The following CNTN5 variants were observed in gnomAD, a reference collection of about 807,000 sequenced individuals.
CNTN5 encodes the protein contactin 5, also known as contactin-5.
A neutral mutation model predicts 129.1 loss-of-function variants in CNTN5; 77 were observed. That is an observed-to-expected ratio of 0.60 (90% CI 0.50 to 0.72). The LOEUF (loss-of-function observed/expected upper bound fraction) is 0.72. CNTN5 is among the 30% of genes least tolerant of loss of function. The probability of loss-of-function intolerance (pLI) is 0.00; values close to 1 mark genes in which losing one functional copy is unlikely to be tolerated. For missense variants in CNTN5, 1,478 were observed against 1,328.8 expected, an observed-to-expected ratio of 1.11 and a Z score of -1.75; for synonymous variants, 509 against 465.6, an observed-to-expected ratio of 1.09 and a Z score of -1.20.
intron 1 of CNTN5, among the ~76,000 whole-genome samples, chr11:99,101,142 T>C (rs1045619777): frequency 2.0e-5 from 3 of 152,126 alleles, no homozygotes; most frequent in African/African-American, 7.2e-5. Flanking sequence ...GAGTTTCCCC[T>C]TATAAAACTA....
intron 20 of CNTN5, among the ~76,000 whole-genome samples, chr11:100,302,280 T>C (rs1427240192): frequency 6.6e-6 from 1 of 151,610 alleles, no homozygotes; most frequent in East Asian, 1.9e-4. Flanking sequence ...TATTATACTC[T>C]TGCCAGTGCA....
At chr11:99,937,988 A>G (rs7122976) in intron 7 of CNTN5, among the ~76,000 whole-genome samples, 8 of 152,082 alleles carry the variant, frequency 5.3e-5, no homozygotes, top group African/African-American at 1.2e-4. Flanking sequence ...CTCTTATTAA[A>G]TACATATCCT....
intron 3 of CNTN5, among the ~76,000 whole-genome samples, chr11:99,699,648 CT>C (rs1305983417): frequency 6.6e-6 from 1 of 151,462 alleles, no homozygotes; most frequent in Non-Finnish European, 1.5e-5. Context: ...AAATTACTCA[CT>C]TTCTAAGTGT....
chr11:99,022,831 T>C (rs747051064), intron 1 of CNTN5, among the ~76,000 whole-genome samples: 2 of 152,140 alleles, frequency 1.3e-5, no homozygotes. Flanking sequence ...AGTGCCAGTG[T>C]TTTTGCTTAG....
intron 2 of CNTN5, among the ~76,000 whole-genome samples, chr11:99,514,999 T>C (rs12789426): frequency 0.016 from 2,378 of 152,118 alleles, 19 homozygotes; most frequent in Non-Finnish European, 0.022. Flanking sequence ...TGTGCAATTG[T>C]TATAGTAAAA....
intron 1 of CNTN5, among the ~76,000 whole-genome samples, chr11:99,304,311 C>T (rs1864777149): frequency 6.6e-6 from 1 of 152,124 alleles, no homozygotes; most frequent in Non-Finnish European, 1.5e-5. Flanking sequence ...AGTTACTTCT[C>T]ATCTCCTATA....
intron 1 of CNTN5, among the ~76,000 whole-genome samples, chr11:99,189,426 C>T (rs1565389181): frequency 6.6e-6 from 1 of 151,406 alleles, no homozygotes; most frequent in Admixed American, 6.6e-5. Flanking sequence ...GGTCATATGG[C>T]ACTTCTATTT....
intron 1 of CNTN5, among the ~76,000 whole-genome samples, chr11:99,108,536 C>T (rs1449328907): frequency 6.6e-6 from 1 of 152,106 alleles, no homozygotes; most frequent in East Asian, 1.9e-4. Flanking sequence ...TTTAACTATA[C>T]ACTCCACGAC....
chr11:99,300,133 T>A (rs1377814682), intron 1 of CNTN5, among the ~76,000 whole-genome samples: 1 of 152,148 alleles, frequency 6.6e-6, no homozygotes, highest in Non-Finnish European at 1.5e-5. Context: ...CTGATTGTTG[T>A]GGCCAGGACT....
chr11:99,909,956 T>TATA (rs1359092936), intron 6 of CNTN5, among the ~76,000 whole-genome samples: 1 of 149,422 alleles, frequency 6.7e-6, no homozygotes, highest in African/African-American at 2.4e-5. Flanking sequence ...AAACTTAAAG[T>TATA]ATAATAATAA....
At chr11:100,239,285 T>TA (rs1333483065) in intron 16 of CNTN5, among the ~76,000 whole-genome samples, 1 of 151,998 alleles carries the variant, frequency 6.6e-6, no homozygotes, top group East Asian at 1.9e-4. Flanking sequence ...TATAATTGAG[T>TA]AAAAAGAAAG....
chr11:100,215,003 G>A (rs542487120), intron 15 of CNTN5, among the ~76,000 whole-genome samples: 2 of 151,668 alleles, frequency 1.3e-5, no homozygotes, highest in South Asian at 4.2e-4. Context: ...TGTGGATATT[G>A]GATAGGTTCC....
intron 16 of CNTN5, among the ~76,000 whole-genome samples, chr11:100,245,697 G>A (rs1949826850): frequency 6.6e-6 from 1 of 152,036 alleles, no homozygotes; most frequent in African/African-American, 2.4e-5. Flanking sequence ...TACATGTCCT[G>A]TCTGTGCTGA....
chr11:99,747,507 C>G (rs1010328772), intron 3 of CNTN5, among the ~76,000 whole-genome samples: 1 of 140,426 alleles, frequency 7.1e-6, no homozygotes, highest in African/African-American at 2.6e-5. Context: ...GCTCTGTAGC[C>G]CAGGCTGGAG....
chr11:99,411,248 C>T (rs139484546), intron 2 of CNTN5, among the ~76,000 whole-genome samples: 3 of 152,128 alleles, frequency 2.0e-5, no homozygotes, highest in African/African-American at 7.2e-5. Context: ...GAAAAGAGGG[C>T]CAAGAGCAGT....
At chr11:99,376,194 T>C (rs576624472) in intron 2 of CNTN5, among the ~76,000 whole-genome samples, 1 of 152,306 alleles carries the variant, frequency 6.6e-6, no homozygotes, top group African/African-American at 2.4e-5. Context: ...CCAGTCTCAG[T>C]GTACCTTTTG....
intron 1 of CNTN5, among the ~76,000 whole-genome samples, chr11:99,235,311 G>A (rs1190826603): frequency 1.3e-5 from 2 of 151,956 alleles, no homozygotes; most frequent in East Asian, 3.9e-4. Flanking sequence ...CTTTTATATA[G>A]CAATCACACT....
At chr11:99,975,634 C>G (rs1937900864) in intron 8 of CNTN5, among the ~76,000 whole-genome samples, 1 of 152,026 alleles carries the variant, frequency 6.6e-6, no homozygotes, top group Admixed American at 6.6e-5. Context: ...TACGTGGCAG[C>G]AGGAGAGAGA....
intron 1 of CNTN5, among the ~76,000 whole-genome samples, chr11:99,178,827 A>T (rs1259809383): frequency 6.6e-6 from 1 of 152,130 alleles, no homozygotes; most frequent in Non-Finnish European, 1.5e-5. Context: ...AAAGATTATT[A>T]GCTGTCTGAA....
Sources: gnomAD v4.1 joint callset for allele counts (sites outside exome capture counted in the v4.1 genomes callset) on GRCh38, gnomAD v4.1.1 for gene constraint, MANE v1.5 for transcripts, NCBI Gene and HGNC (gene_info 2026-07-23, HGNC 2026-07-21) for gene names.